Variants in SLC19A1 observed in about 807,000 individuals in gnomAD.
The protein encoded by SLC19A1 is solute carrier family 19 member 1, also known as reduced folate transporter.
In SLC19A1, 37 loss-of-function variants were observed where a neutral mutation model predicts 35.3. That is an observed-to-expected ratio of 1.05 (90% CI 0.81 to 1.38). SLC19A1 has a LOEUF of 1.38. Ranked by LOEUF, SLC19A1 falls within the 40% of genes most tolerant of loss-of-function variation. SLC19A1 has a pLI of 0.00. For synonymous variants in SLC19A1, 460 were observed against 398.5 expected, an observed-to-expected ratio of 1.15 and a Z score of -1.84; for missense variants, 831 against 826.9, an observed-to-expected ratio of 1.00 and a Z score of -0.06.
rs1238824961 is a variant in SLC19A1 at position 45,540,563 on chromosome 21, T to C, written c.-50+1805A>G. Among the ~76,000 whole-genome samples, 1 of 152,168 alleles carries C rather than the reference T, an allele frequency of 6.6e-6. No homozygotes were observed. The highest frequency in any genetic ancestry group is 2.1e-4 in the South Asian group (1 of 4,820). ...GCCTCTGCTGCCAGCATACTCAACT[T>C]ATGTGCCGTGAACGTAGCCCACTGA... On this transcript the variant is annotated intron_variant, in intron 1 of 5. Coordinates refer to ENST00000311124, the MANE Select transcript of SLC19A1 (RefSeq NM_194255.4). The surrounding 1 kb of genome is among the most constrained non-coding windows in gnomAD (Gnocchi z 5.5).
chr21:45,541,576 T>C (rs2078305155), intron 1 of SLC19A1, among the ~76,000 whole-genome samples: 1 of 152,236 alleles, frequency 6.6e-6, no homozygotes, highest in Admixed American at 6.5e-5. Context: ...GGGATGGCTT[T>C]CCTGCTGTAG....
chr21:45,555,873 C>T (rs2078556160), intron 1 of SLC19A1, among the ~76,000 whole-genome samples: 1 of 152,150 alleles, frequency 6.6e-6, no homozygotes, highest in Non-Finnish European at 1.5e-5. Context: ...CCTGCGGGCC[C>T]AGTGAGTGAC....
At chr21:45,553,510 C>T (rs1332007800) in intron 1 of SLC19A1, among the ~76,000 whole-genome samples, 5 of 151,734 alleles carry the variant, frequency 3.3e-5, no homozygotes. Context: ...TAACTGCACA[C>T]TTCAATGGCA....
In SLC19A1 at chr21:45,531,894, G is replaced by C. The variant is rs779081542; in HGVS notation, c.444C>G (p.Arg148=). Reference sequence around the variant, plus strand: ...GCGAGTAGCCGGCCACACGCTGGTAGCGCGCGGGCCGCACGAGAGAGAAGA... The same window carrying C: ...GCGAGTAGCCGGCCACACGCTGGTACCGCGCGGGCCGCACGAGAGAGAAGA... ...SYIFSLVRPA[R]YQRVAGYSRA... is the part of the protein sequence containing the mutation. The change falls in exon 3 of 6, where the codon CGC becomes CGG. Residue 148 remains arginine, a synonymous_variant. Transcript: ENST00000311124. 6.3e-7 allele frequency: 1 copy of C among 1,588,028 alleles called. No homozygotes were observed. Among genetic ancestry groups the C allele is most frequent in the Non-Finnish European group, 8.6e-7 (1 of 1,167,962 alleles).
chr21:45,531,991 A>C lies in SLC19A1; in HGVS notation c.347T>G (p.Val116Gly), dbSNP rs1739005289. The C allele has an allele frequency of 6.2e-7, 1 of 1,610,218 alleles. No homozygotes were observed. Among genetic ancestry groups the C allele is most frequent in the Admixed American group, 1.7e-5 (1 of 59,896 alleles). ...VWLLLLLGHS[V>G]AHMQLMELFY... is the part of the protein sequence containing the mutation. ...GAGCTCCATGAGCTGCATGTGCGCC[A>C]CCGAGTGGCCCAGCAGCAGCAGCAG... The change falls in exon 3 of 6, where the codon GTG (valine) becomes GGG (glycine). Residue 116 changes from valine to glycine, a missense_variant. By Grantham distance (109) the Val-to-Gly change is moderately radical (BLOSUM62 -3). Coordinates refer to ENST00000311124, the MANE Select transcript of SLC19A1 (RefSeq NM_194255.4).
intron 1 of SLC19A1, among the ~76,000 whole-genome samples, chr21:45,558,725 T>C (rs1277337714): frequency 1.3e-5 from 2 of 152,096 alleles, no homozygotes; most frequent in South Asian, 2.1e-4. Context: ...GGCCACCTGG[T>C]TGCTTGGAAC....
chr21:45,505,174 C>T (rs766401100), intron 3 of SLC19A1: 2 of 1,607,228 alleles, frequency 1.2e-6, no homozygotes, highest in East Asian at 2.2e-5. Context: ...CCCGGCCCAC[C>T]TGGACCTCAG....
At chr21:45,549,162 C>T (rs11701905), upstream of SLC19A1, among the ~76,000 whole-genome samples, 125 of 152,296 alleles carry the variant, frequency 8.2e-4, no homozygotes, top group Non-Finnish European at 1.3e-3. Context: ...AGGATAAACA[C>T]GCAGTACATC....
chr21:45,509,603 T>C, downstream of SLC19A1: 2 of 1,444,456 alleles, frequency 1.4e-6, no homozygotes, highest in Non-Finnish European at 1.8e-6. Context: ...CAGCCGGTGG[T>C]GAGTGCCCCC....
At chr21:45,505,235 A>AGGCCCTCCC in intron 3 of SLC19A1, 3 of 1,595,018 alleles carry the variant, frequency 1.9e-6, no homozygotes, top group African/African-American at 1.3e-5. Context: ...CCGGCCCCCC[A>AGGCCCTCCC]GGCCCCCCAG....
At chr21:45,518,761 A>G (rs989278191) in intron 5 of SLC19A1, among the ~76,000 whole-genome samples, 1 of 152,212 alleles carries the variant, frequency 6.6e-6, no homozygotes, top group Non-Finnish European at 1.5e-5. Flanking sequence ...ATCCAGTGAA[A>G]ACATCCTTTG....
downstream of SLC19A1, chr21:45,512,490 A>G (rs919553557): frequency 1.7e-6 from 2 of 1,206,840 alleles, no homozygotes; most frequent in Non-Finnish European, 2.4e-6. Flanking sequence ...CCCTGGCCCC[A>G]GGACCTGGCT....
chr21:45,554,967 G>T (rs1174901433), intron 1 of SLC19A1, among the ~76,000 whole-genome samples: 1 of 151,360 alleles, frequency 6.6e-6, no homozygotes, highest in Non-Finnish European at 1.5e-5. Flanking sequence ...CATTCCCTGG[G>T]TCGATGTTTC....
chr21:45,528,448 G>A (rs931795670), intron 4 of SLC19A1, among the ~76,000 whole-genome samples: 1 of 152,078 alleles, frequency 6.6e-6, no homozygotes, highest in Non-Finnish European at 1.5e-5. Flanking sequence ...ACAGCAGGCC[G>A]GCCGGCCTCA....
rs186076240 is a variant in SLC19A1, at chr21:45,517,449, C to T, written c.1294-1309G>A. On this transcript the variant is annotated intron_variant, in intron 5 of 5. Coordinates refer to ENST00000311124, the MANE Select transcript of SLC19A1 (RefSeq NM_194255.4). The surrounding 1 kb of genome is among the most constrained non-coding windows in gnomAD (Gnocchi z 4.4). ...ACCAGTGGGCACTAGAGCTTTCACT[C>T]CCACTGGTTGGTAAAGACACCCACC... 1.1e-3 allele frequency among the ~76,000 whole-genome samples: 171 copies of T among 152,152 alleles called. No homozygotes were observed. Among genetic ancestry groups the T allele is most frequent in the South Asian group, 2.7e-3 (13 of 4,818 alleles).
At chr21:45,548,380 A>T (rs181777069), upstream of SLC19A1, among the ~76,000 whole-genome samples, 1 of 152,374 alleles carries the variant, frequency 6.6e-6, no homozygotes, top group African/African-American at 2.4e-5. Flanking sequence ...TGTATCTGAT[A>T]CAGGACTTGT....
At position 45,534,678 on chromosome 21, in the gene SLC19A1, G is replaced by C; in HGVS notation, c.190-2530C>G. On this transcript the variant is annotated intron_variant, in intron 2 of 5. Coordinates refer to ENST00000311124, the MANE Select transcript of SLC19A1 (RefSeq NM_194255.4). This position sits in a 1 kb window ranked among gnomAD's most constrained non-coding sequence, Gnocchi z 4.2. ...CTTGGCAGCCACCCAGAGCCCTCCC[G>C]CTCCTCTCCCTGCACCTCCTCAACG... 8 of 1,296,688 alleles carry C rather than the reference G, an allele frequency of 6.2e-6. No individual in the cohort carries two copies. The highest frequency in any genetic ancestry group is 7.5e-6 in the Non-Finnish European group (7 of 931,760). The allele number at this position is 1,296,688 out of a possible 1,614,324, so 80.3% of individuals were successfully genotyped here.
rs928128438 is a variant in SLC19A1 at position 45,533,564 on chromosome 21, G to A, written c.190-1416C>T. On this transcript the variant is annotated intron_variant, in intron 2 of 5. Coordinates refer to ENST00000311124, the MANE Select transcript of SLC19A1 (RefSeq NM_194255.4). This position sits in a 1 kb window ranked among gnomAD's most constrained non-coding sequence, Gnocchi z 4.5. ...AGGTGCATTTTCAGCAGGTGGCCCC[G>A]CCCACAGGCCCCACCAGACCCCACC... Among the ~76,000 whole-genome samples the A allele has an allele frequency of 6.6e-5, 10 of 151,936 alleles. No homozygotes were observed. The East Asian group carries it at 1.4e-3, about 21-fold the overall frequency.
chr21:45,549,896 C>T (rs908120751), intron 1 of SLC19A1, among the ~76,000 whole-genome samples: 1 of 151,954 alleles, frequency 6.6e-6, no homozygotes, highest in Non-Finnish European at 1.5e-5. Context: ...GCTCCAGCCA[C>T]GTAGGTCTCC....
Sources: gnomAD v4.1 joint callset for allele counts (sites outside exome capture counted in the v4.1 genomes callset) on GRCh38, gnomAD v4.1.1 for gene constraint, Gnocchi (gnomAD v3.1) non-coding constraint, MANE v1.5 for transcripts, NCBI Gene and HGNC (gene_info 2026-07-23, HGNC 2026-07-21) for gene names.